Variants in ZNF385D observed in about 807,000 individuals in gnomAD.
ZNF385D encodes the protein zinc finger protein 385D.
ZNF385D carries 15 observed loss-of-function variants against 35.8 expected under a neutral mutation model. That is an observed-to-expected ratio of 0.42 (90% CI 0.28 to 0.64). ZNF385D has a LOEUF of 0.64. Ranked by LOEUF, ZNF385D falls within the 30% of genes least tolerant of loss-of-function variation. The pLI, the probability that ZNF385D is intolerant of heterozygous loss-of-function variation, is 0.23. For synonymous variants in ZNF385D, 212 were observed against 186.8 expected, an observed-to-expected ratio of 1.13 and a Z score of -1.10; for missense variants, 474 against 494.6, an observed-to-expected ratio of 0.96 and a Z score of 0.39.
chr3:22,336,925 A>AC (rs1695191781), intron 2 of ZNF385D, among the ~76,000 whole-genome samples: 2 of 146,240 alleles, frequency 1.4e-5, no homozygotes, highest in Non-Finnish European at 3.0e-5. Context: ...AAAAAAAAAA[A>AC]AAAAAAAAAA....
At chr3:22,355,168 G>C (rs903870840) in intron 2 of ZNF385D, among the ~76,000 whole-genome samples, 2 of 151,874 alleles carry the variant, frequency 1.3e-5, no homozygotes, top group Non-Finnish European at 2.9e-5. Flanking sequence ...CCTTTATATA[G>C]TCTCCATCAA....
chr3:22,010,283 G>A (rs1696492239), intron 3 of ZNF385D, among the ~76,000 whole-genome samples: 1 of 152,178 alleles, frequency 6.6e-6, no homozygotes, highest in Non-Finnish European at 1.5e-5. Flanking sequence ...AAACACCGAT[G>A]TCACAAGACT....
chr3:21,437,771 C>T (rs999441992), intron 4 of ZNF385D, among the ~76,000 whole-genome samples: 4 of 136,638 alleles, frequency 2.9e-5, no homozygotes, highest in Non-Finnish European at 4.6e-5. Flanking sequence ...TTCAGAAAAT[C>T]ATTGCTCTAT....
intron 3 of ZNF385D, among the ~76,000 whole-genome samples, chr3:22,090,671 TTC>T (rs1377702877): frequency 8.5e-5 from 13 of 152,132 alleles, no homozygotes; most frequent in Admixed American, 8.5e-4. Flanking sequence ...AATTCACCAT[TTC>T]TCATGTGAAA....
At chr3:21,923,340 T>A (rs1417441193) in intron 3 of ZNF385D, among the ~76,000 whole-genome samples, 1 of 152,004 alleles carries the variant, frequency 6.6e-6, no homozygotes, top group African/African-American at 2.4e-5. Context: ...ATGGCCATTA[T>A]GAAAAAGTCA....
At chr3:22,070,768 G>T (rs777480972) in intron 3 of ZNF385D, among the ~76,000 whole-genome samples, 3 of 152,148 alleles carry the variant, frequency 2.0e-5, no homozygotes, top group Non-Finnish European at 2.9e-5. Flanking sequence ...AGTAAGTCAT[G>T]AAATCTCAGA....
chr3:21,554,360 A>C (rs756903108), intron 3 of ZNF385D, among the ~76,000 whole-genome samples: 5 of 152,206 alleles, frequency 3.3e-5, no homozygotes, highest in Non-Finnish European at 5.9e-5. Context: ...TTTTCTGAGC[A>C]ATAAATCTCA....
At chr3:21,980,659 C>G (rs969141484) in intron 3 of ZNF385D, among the ~76,000 whole-genome samples, 6 of 152,122 alleles carry the variant, frequency 3.9e-5, no homozygotes, top group African/African-American at 1.4e-4. Context: ...ACTATTTCGT[C>G]ATCCAGCTAT....
At chr3:21,830,398 T>G (rs571850725) in intron 3 of ZNF385D, among the ~76,000 whole-genome samples, 1 of 152,190 alleles carries the variant, frequency 6.6e-6, no homozygotes, top group South Asian at 2.1e-4. Flanking sequence ...GCTGTCACCA[T>G]CCTAGAGTAG....
intron 3 of ZNF385D, among the ~76,000 whole-genome samples, chr3:21,987,446 A>G (rs1694873235): frequency 8.4e-6 from 1 of 119,142 alleles, no homozygotes. Context: ...TTGGCTGGAT[A>G]TGAAATTCTG....
At chr3:22,302,260 A>G (rs1161206542) in intron 2 of ZNF385D, among the ~76,000 whole-genome samples, 1 of 152,024 alleles carries the variant, frequency 6.6e-6, no homozygotes, top group Non-Finnish European at 1.5e-5. Flanking sequence ...CTGGGACTCC[A>G]CATCTTCATC....
intron 2 of ZNF385D, among the ~76,000 whole-genome samples, chr3:22,347,873 C>T (rs1200151649): frequency 6.6e-6 from 1 of 152,118 alleles, no homozygotes; most frequent in Non-Finnish European, 1.5e-5. Context: ...AGTAAACTCA[C>T]CCATCACTCA....
At chr3:22,367,846 G>A (rs1186869006) in intron 2 of ZNF385D, among the ~76,000 whole-genome samples, 1 of 152,118 alleles carries the variant, frequency 6.6e-6, no homozygotes, top group Non-Finnish European at 1.5e-5. Flanking sequence ...GGAACATCTG[G>A]CCTCATGTTA....
At chr3:21,961,112 TGTTA>T (rs1207808870) in intron 3 of ZNF385D, among the ~76,000 whole-genome samples, 1 of 152,088 alleles carries the variant, frequency 6.6e-6, no homozygotes, top group Non-Finnish European at 1.5e-5. Context: ...AGGAGACACG[TGTTA>T]ATTATCCTGA....
intron 3 of ZNF385D, among the ~76,000 whole-genome samples, chr3:22,067,910 G>T (rs1700035079): frequency 6.6e-6 from 1 of 151,996 alleles, no homozygotes; most frequent in South Asian, 2.1e-4. Flanking sequence ...GCACTTGGGA[G>T]GCTGAGGCGG....
At chr3:22,219,542 C>T (rs1698123203) in intron 2 of ZNF385D, among the ~76,000 whole-genome samples, 1 of 152,052 alleles carries the variant, frequency 6.6e-6, no homozygotes, top group South Asian at 2.1e-4. Flanking sequence ...ATCTTATTAA[C>T]AAATAATGTA....
intron 3 of ZNF385D, among the ~76,000 whole-genome samples, chr3:21,530,216 G>A (rs2061891054): frequency 6.6e-6 from 1 of 152,114 alleles, no homozygotes; most frequent in Non-Finnish European, 1.5e-5. Flanking sequence ...TTTATGTACA[G>A]TCCTCAGAAC....
intron 2 of ZNF385D, among the ~76,000 whole-genome samples, chr3:22,216,426 A>G (rs1438394390): frequency 3.9e-5 from 6 of 152,116 alleles, no homozygotes; most frequent in Admixed American, 3.9e-4. Flanking sequence ...TACAGGAAAC[A>G]TTCCATGATG....
At chr3:22,016,741 C>T (rs561075323) in intron 3 of ZNF385D, among the ~76,000 whole-genome samples, 25 of 151,782 alleles carry the variant, frequency 1.6e-4, no homozygotes, top group Admixed American at 1.4e-3. Flanking sequence ...AGCAATAGTC[C>T]TCTGCTGTGT....
Sources: gnomAD v4.1 joint callset for allele counts (sites outside exome capture counted in the v4.1 genomes callset) on GRCh38, gnomAD v4.1.1 for gene constraint, MANE v1.5 for transcripts, NCBI Gene and HGNC (gene_info 2026-07-23, HGNC 2026-07-21) for gene names.